MUC22: variants seen among roughly 807,000 people sequenced by gnomAD.
The protein encoded by MUC22 is mucin-22.
A neutral mutation model predicts 40.3 loss-of-function variants in MUC22; 24 were observed. The ratio of observed to expected loss-of-function variants is 0.60; its 90% CI spans 0.43 to 0.84. MUC22 has a LOEUF of 0.84. Among genes scored for constraint, MUC22 ranks in the 40% least tolerant of loss-of-function variants. The pLI is 0.00. For missense variants in MUC22, 1,926 were observed against 2,130.7 expected (o/e 0.90, Z 1.89); for synonymous variants, 765 against 844.5 (o/e 0.91, Z 1.63).
Position 31,010,801 on chromosome 6 carries a change from G to A in MUC22, c.70+25G>A, listed in dbSNP as rs564516881. 4.8e-5 allele frequency: 34 copies of A among 702,494 alleles called. 1 individual carries two copies. Among genetic ancestry groups the A allele is most frequent in the South Asian group, 4.6e-4 (31 of 67,582 alleles). The allele number at this position is 702,494 out of a possible 1,614,324, so 43.5% of individuals were successfully genotyped here. On this transcript the variant is annotated intron_variant, in intron 1 of 3. Transcript: ENST00000561890. ...AGTAAGTGACTTAGCAGTTAAGGAG[G>A]GAGAGGGGCATGGAGGCCACATAAG...
At chr6:31,014,264 T>C (rs1050317451) in intron 1 of MUC22, among the ~76,000 whole-genome samples, 2 of 152,160 alleles carry the variant, frequency 1.3e-5, no homozygotes, top group African/African-American at 4.8e-5. Flanking sequence ...TATATGTAAT[T>C]AATTCATCCC....
exon 2 of MUC22, chr6:31,025,875 C>T (rs1315284598): frequency 6.5e-7 from 1 of 1,535,406 alleles, no homozygotes; most frequent in Non-Finnish European, 8.7e-7. Context: ...CCACTACAGT[C>T]CCTGAGACTA....
chr6:31,027,732 A>G (rs1765558366), exon 2 of MUC22: 2 of 1,530,436 alleles, frequency 1.3e-6, no homozygotes, highest in Admixed American at 3.9e-5. Context: ...AGACCACTGC[A>G]GTCTCTGCCA....
At position 31,027,410 on chromosome 6, in the gene MUC22, TCA is replaced by T; in HGVS notation, c.1982_1983del (p.Thr661ArgfsTer10). On this transcript the variant is annotated frameshift_variant, in exon 2 of 4. Transcript: ENST00000561890. LOFTEE classifies it high-confidence loss of function. ...GGCTCTGAGACCACTACAGTTTCTATCACAGACTCAGAGACCACCACCACCTG... is the reference window on the plus strand; with the variant it reads ...GGCTCTGAGACCACTACAGTTTCTATCAGACTCAGAGACCACCACCACCTG... 6.6e-7 allele frequency: 1 copy of T among 1,516,484 alleles called. No individual in the cohort carries two copies. The allele number at this position is 1,516,484 out of a possible 1,614,324, so 93.9% of individuals were successfully genotyped here.
intron 1 of MUC22, among the ~76,000 whole-genome samples, chr6:31,025,260 A>G (rs1765183183): frequency 6.6e-6 from 1 of 152,176 alleles, no homozygotes; most frequent in Admixed American, 6.6e-5. Flanking sequence ...AACAGCACTT[A>G]AGCCAATGTG....
chr6:31,009,826 T>C (rs948565043), upstream of MUC22, among the ~76,000 whole-genome samples: 1 of 152,222 alleles, frequency 6.6e-6, no homozygotes, highest in Non-Finnish European at 1.5e-5. Context: ...CCCTGACCTA[T>C]GCTTAAGAGC....
At chr6:31,026,948 C>T in exon 2 of MUC22, 1 of 1,495,698 alleles carries the variant, frequency 6.7e-7, no homozygotes, top group South Asian at 1.2e-5. Context: ...TCTGAGACCA[C>T]TGCAGCCTCT....
At chr6:31,027,504 A>G (rs1175212721) in exon 2 of MUC22, 1 of 1,531,106 alleles carries the variant, frequency 6.5e-7, no homozygotes. Context: ...CCTCTACTGA[A>G]GGCTCTGAGA....
At chr6:31,017,654 T>TGGGGA (rs1764327662) in intron 1 of MUC22, among the ~76,000 whole-genome samples, 1 of 152,234 alleles carries the variant, frequency 6.6e-6, no homozygotes, top group East Asian at 1.9e-4. Flanking sequence ...CAGTGCTCTG[T>TGGGGA]GGGGACTTGG....
intron 1 of MUC22, among the ~76,000 whole-genome samples, chr6:31,020,973 G>A (rs1462420457): frequency 2.0e-5 from 3 of 152,208 alleles, no homozygotes; most frequent in Non-Finnish European, 2.9e-5. Context: ...CAGGGCTGGG[G>A]ACCTGCAGCC....
chr6:31,012,209 T>C (rs988919079), intron 1 of MUC22, among the ~76,000 whole-genome samples: 49 of 152,148 alleles, frequency 3.2e-4, no homozygotes, highest in Non-Finnish European at 5.4e-4. Flanking sequence ...AGAGAAGGTA[T>C]AGGTTGGATG....
intron 1 of MUC22, among the ~76,000 whole-genome samples, chr6:31,018,031 A>G (rs1002655836): frequency 6.6e-6 from 1 of 152,250 alleles, no homozygotes; most frequent in Non-Finnish European, 1.5e-5. Context: ...ACATCTGAAC[A>G]TCAGAAGGAA....
At chr6:31,025,130 G>C (rs1013793067) in intron 1 of MUC22, among the ~76,000 whole-genome samples, 7 of 132,072 alleles carry the variant, frequency 5.3e-5, no homozygotes, top group African/African-American at 1.2e-4. Flanking sequence ...TTACAGGCTT[G>C]AGCCACTGCG....
chr6:31,020,962 G>T (rs1764667217), intron 1 of MUC22, among the ~76,000 whole-genome samples: 1 of 152,212 alleles, frequency 6.6e-6, no homozygotes, highest in Non-Finnish European at 1.5e-5. Flanking sequence ...TTCCCATGGG[G>T]CAGGGCTGGG....
At chr6:31,025,834 T>C in exon 2 of MUC22, 2 of 1,533,666 alleles carry the variant, frequency 1.3e-6, no homozygotes, top group South Asian at 1.2e-5. Context: ...CACCACAGTC[T>C]CTGGGACCAC....
chr6:31,032,469 C>A lies in MUC22; in HGVS notation c.4943C>A (p.Pro1648His). The A allele has an allele frequency of 6.5e-7, 1 of 1,535,694 alleles. No homozygotes were observed. Among genetic ancestry groups the A allele is most frequent in the Non-Finnish European group, 8.7e-7 (1 of 1,146,928 alleles). ...AACACAGTTAGCATGAGCCACACACCCACAAACGTGATCAAACCAAGTGGA... is the reference window on the plus strand; with the variant it reads ...AACACAGTTAGCATGAGCCACACACACACAAACGTGATCAAACCAAGTGGA... The change falls in exon 3 of 4, where the codon CCC (proline) becomes CAC (histidine). Residue 1648 changes from proline to histidine, a missense_variant. Physicochemically the swap from Pro to His is moderately conservative, Grantham distance 77. Transcript: ENST00000561890. The surrounding 1 kb of genome is among the most constrained non-coding windows in gnomAD (Gnocchi z 4.1).
chr6:31,006,952 C>T (rs59448232), upstream of MUC22, among the ~76,000 whole-genome samples: 878 of 152,050 alleles, frequency 5.8e-3, 11 homozygotes, highest in African/African-American at 0.019. Flanking sequence ...AGTTCAACAC[C>T]AGCCTGAGCA....
chr6:31,014,253 A>T (rs1259342000), intron 1 of MUC22, among the ~76,000 whole-genome samples: 1 of 152,104 alleles, frequency 6.6e-6, no homozygotes, highest in Non-Finnish European at 1.5e-5. Context: ...AGTTTTCTTC[A>T]TATATGTAAT....
At chr6:31,016,503 A>G (rs1764210371) in intron 1 of MUC22, among the ~76,000 whole-genome samples, 1 of 152,250 alleles carries the variant, frequency 6.6e-6, no homozygotes, top group South Asian at 2.1e-4. Flanking sequence ...GATCCTGTCT[A>G]GAGCATACTA....
Sources: allele counts gnomAD v4.1 joint callset (sites outside exome capture counted in the v4.1 genomes callset), GRCh38; gene constraint gnomAD v4.1.1; non-coding constraint Gnocchi (gnomAD v3.1); transcripts MANE v1.5; gene names NCBI Gene and HGNC (gene_info 2026-07-23, HGNC 2026-07-21).